SNTB1: variants seen among roughly 807,000 people sequenced by gnomAD.
The protein encoded by SNTB1 is syntrophin beta 1.
SNTB1 carries 36 observed loss-of-function variants against 48.9 expected under a neutral mutation model. That is an observed-to-expected ratio of 0.74 (90% CI 0.56 to 0.97). The LOEUF (loss-of-function observed/expected upper bound fraction) is 0.97, where lower values mean the gene tolerates loss of function less well. Ranked by LOEUF, SNTB1 falls within the 50% of genes least tolerant of loss-of-function variation. The pLI is 0.00. For synonymous variants in SNTB1, 299 were observed against 294.6 expected, an observed-to-expected ratio of 1.01 and a Z score of -0.15; for missense variants, 786 against 703.4, an observed-to-expected ratio of 1.12 and a Z score of -1.33.
chr8:120,782,040 G>C (rs1819836933), intron 1 of SNTB1, among the ~76,000 whole-genome samples: 1 of 152,188 alleles, frequency 6.6e-6, no homozygotes, highest in Non-Finnish European at 1.5e-5. Context: ...AGTGTGAGCA[G>C]GGTTGGTTCC....
At chr8:120,561,297 G>T (rs1453476337) in intron 4 of SNTB1, among the ~76,000 whole-genome samples, 2 of 128,280 alleles carry the variant, frequency 1.6e-5, no homozygotes, top group African/African-American at 5.8e-5. Flanking sequence ...TCCAGCCTGG[G>T]TGACAGAGTG....
chr8:120,562,926 G>A (rs959189662), intron 4 of SNTB1, among the ~76,000 whole-genome samples: 8 of 151,920 alleles, frequency 5.3e-5, no homozygotes, highest in Admixed American at 5.2e-4. Flanking sequence ...AGTTGCTTAG[G>A]CACCAAGGAT....
At chr8:120,626,316 T>G (rs2130747296) in intron 3 of SNTB1, among the ~76,000 whole-genome samples, 1 of 152,280 alleles carries the variant, frequency 6.6e-6, no homozygotes, top group South Asian at 2.1e-4. Flanking sequence ...TTGAGAAATC[T>G]CTCAGTTCTG....
At chr8:120,759,454 T>A (rs768728084) in intron 1 of SNTB1, among the ~76,000 whole-genome samples, 10 of 152,192 alleles carry the variant, frequency 6.6e-5, no homozygotes, top group Non-Finnish European at 1.2e-4. Context: ...TTTCCTTAAA[T>A]TAGCATACTT....
intron 4 of SNTB1, among the ~76,000 whole-genome samples, chr8:120,563,192 G>C (rs1273134408): frequency 3.3e-5 from 5 of 151,900 alleles, no homozygotes; most frequent in Non-Finnish European, 7.4e-5. Flanking sequence ...GAAATAATGT[G>C]ACCTTAATCC....
At chr8:120,761,651 A>AT (rs1300668859) in intron 1 of SNTB1, among the ~76,000 whole-genome samples, 1 of 152,226 alleles carries the variant, frequency 6.6e-6, no homozygotes, top group Non-Finnish European at 1.5e-5. Flanking sequence ...TGTATCAAGT[A>AT]TTTTTAATAG....
chr8:120,646,945 A>G (rs1042789329), intron 2 of SNTB1, among the ~76,000 whole-genome samples: 16 of 151,646 alleles, frequency 1.1e-4, no homozygotes, highest in African/African-American at 3.9e-4. Flanking sequence ...TTTCTAGTTT[A>G]TTTGCGTAGA....
intron 1 of SNTB1, among the ~76,000 whole-genome samples, chr8:120,725,689 A>C (rs1818741615): frequency 6.6e-6 from 1 of 152,192 alleles, no homozygotes; most frequent in African/African-American, 2.4e-5. Flanking sequence ...TCTACAACAG[A>C]GAAAGGACAG....
chr8:120,549,793 TC>T (rs1815448187), intron 4 of SNTB1, among the ~76,000 whole-genome samples: 1 of 152,240 alleles, frequency 6.6e-6, no homozygotes, highest in South Asian at 2.1e-4. Context: ...TATCTCAATC[TC>T]CTTTTGGGAG....
chr8:120,771,427 T>A (rs1267261281), intron 1 of SNTB1, among the ~76,000 whole-genome samples: 1 of 152,192 alleles, frequency 6.6e-6, no homozygotes, highest in Non-Finnish European at 1.5e-5. Flanking sequence ...AAAGACAGAT[T>A]TAGGAAAAAC....
chr8:120,684,028 C>A (rs72682538), intron 2 of SNTB1, among the ~76,000 whole-genome samples: 17,640 of 152,130 alleles, frequency 0.12, 2,174 homozygotes, highest in African/African-American at 0.31. Context: ...AAACAACATA[C>A]ATTTATTGAT....
chr8:120,619,215 G>C (rs1339694153), intron 3 of SNTB1, among the ~76,000 whole-genome samples: 4 of 151,846 alleles, frequency 2.6e-5, no homozygotes, highest in Non-Finnish European at 5.9e-5. Flanking sequence ...ATAAACTTTA[G>C]AAAGGTGTTC....
chr8:120,763,566 T>C (rs975252431), intron 1 of SNTB1, among the ~76,000 whole-genome samples: 11 of 152,156 alleles, frequency 7.2e-5, no homozygotes, highest in Admixed American at 2.0e-4. Context: ...TAAAAGTCAA[T>C]AAACTTGACT....
rs60374035 is a variant in SNTB1, at chr8:120,797,546, C to CTTTTTTTTTT, written c.571+13717_571+13726dup. ...TCATTAACCAAAGCAACTTGTTTCTCTTTTTTTTTTTTTTTTTTTTTTTTT... is the reference window on the plus strand; with the variant it reads ...TCATTAACCAAAGCAACTTGTTTCTCTTTTTTTTTTTTTTTTTTTTTTTTTTTTTTTTTTT... On this transcript the variant is annotated intron_variant, in intron 1 of 6. Coordinates refer to ENST00000517992, the MANE Select transcript of SNTB1 (RefSeq NM_021021.4). Among the ~76,000 whole-genome samples, 68 of 69,110 alleles carry CTTTTTTTTTT rather than the reference C, an allele frequency of 9.8e-4. 1 individual carries two copies. The highest frequency in any genetic ancestry group is 1.2e-3 in the Non-Finnish European group (48 of 39,176). The allele number at this position is 69,110 out of a possible 152,430, so 45.3% of individuals were successfully genotyped here.
chr8:120,579,563 C>T (rs2080363905), intron 3 of SNTB1, among the ~76,000 whole-genome samples: 1 of 152,062 alleles, frequency 6.6e-6, no homozygotes, highest in South Asian at 2.1e-4. Context: ...CCTGTAGCCC[C>T]CAGCTACTCG....
rs190803454 is a variant in SNTB1 at position 120,608,792 on chromosome 8, A to G, written c.996+23652T>C. Reference sequence around the variant, plus strand: ...GAAAAGGACTCTTCTGAAAAAGAAAATTACTAAAAGGAGTACTTTATGAAG... The same window carrying G: ...GAAAAGGACTCTTCTGAAAAAGAAAGTTACTAAAAGGAGTACTTTATGAAG... On this transcript the variant is annotated intron_variant, in intron 3 of 6. Transcript: ENST00000517992. 8.0e-4 allele frequency among the ~76,000 whole-genome samples: 122 copies of G among 152,360 alleles called. 1 individual carries two copies. The highest frequency in any genetic ancestry group is 2.7e-3 in the African/African-American group (111 of 41,586).
chr8:120,718,125 A>G (rs1408199154), intron 1 of SNTB1, among the ~76,000 whole-genome samples: 1 of 152,200 alleles, frequency 6.6e-6, no homozygotes, highest in Non-Finnish European at 1.5e-5. Context: ...GCACCCTGGA[A>G]TTGTCTAATT....
chr8:120,613,120 C>A (rs796431124), intron 3 of SNTB1, among the ~76,000 whole-genome samples: 7 of 151,984 alleles, frequency 4.6e-5, no homozygotes, highest in Non-Finnish European at 1.0e-4. Context: ...GAGGCTGAGG[C>A]GGGTGGATCA....
chr8:120,811,679 C>G lies in SNTB1; in HGVS notation c.165G>C (p.Ala55=). The change falls in exon 1 of 7, where the codon GCG becomes GCC. Residue 55 remains alanine (A), a synonymous_variant. Transcript: ENST00000517992. ...ALVLSSEEGA[A]AYNGIGTATN... ...TGGCGGTCCCGATGCCGTTGTACGC[C>G]GCAGCGCCCTCCTCGCTGCTCAGAA... 5 of 1,590,516 alleles carry G rather than the reference C, an allele frequency of 3.1e-6. No individual in the cohort carries two copies. Among genetic ancestry groups the G allele is most frequent in the Non-Finnish European group, 4.3e-6 (5 of 1,172,340 alleles).
Sources: gnomAD v4.1 joint callset for allele counts (sites outside exome capture counted in the v4.1 genomes callset) on GRCh38, gnomAD v4.1.1 for gene constraint, MANE v1.5 for transcripts, NCBI Gene and HGNC (gene_info 2026-07-23, HGNC 2026-07-21) for gene names.